Variants in ABCD3 observed in about 807,000 individuals in gnomAD.
ABCD3 encodes the protein ATP-binding cassette sub-family D member 3.
Under a neutral mutation model 105.5 loss-of-function variants are expected in ABCD3, and 41 were observed. The ratio of observed to expected loss-of-function variants is 0.39; its 90% confidence interval spans 0.30 to 0.50. ABCD3 has a LOEUF of 0.50. Ranked by LOEUF, ABCD3 falls within the 20% of genes least tolerant of loss-of-function variation. ABCD3 has a pLI of 0.84. For synonymous variants in ABCD3, 258 were observed against 269.0 expected, an observed-to-expected ratio of 0.96 and a Z score of 0.40; for missense variants, 622 against 806.3, an observed-to-expected ratio of 0.77 and a Z score of 2.77.
chr1:94,432,260 A>G lies in ABCD3; in HGVS notation c.110+13672A>G, dbSNP rs111988876. On this transcript the variant is annotated intron_variant, in intron 1 of 22. Transcript: ENST00000370214. ...GCATAGAAAATTTGTACAACTGAGT[A>G]TGAGTAGACCTGTGGTAGTAACACA... Among the ~76,000 whole-genome samples, 1,420 of 152,328 alleles carry G rather than the reference A, an allele frequency of 9.3e-3. 26 individuals carry two copies. Among genetic ancestry groups the G allele is most frequent in the African/African-American group, 0.033 (1,372 of 41,560 alleles).
intron 1 of ABCD3, among the ~76,000 whole-genome samples, chr1:94,428,069 G>GTTTTTTTTTTTTTT (rs199615252): frequency 1.4e-5 from 2 of 145,572 alleles, no homozygotes; most frequent in Admixed American, 6.7e-5. Context: ...GCTAAAAGGT[G>GTTTTTTTTTTTTTT]TTTTGTTTTT....
chr1:94,497,850 G>T (rs1369213701), intron 16 of ABCD3, among the ~76,000 whole-genome samples: 1 of 152,122 alleles, frequency 6.6e-6, no homozygotes, highest in Non-Finnish European at 1.5e-5. Context: ...GATGCTTGAG[G>T]CATTAAAGGA....
chr1:94,498,280 C>A (rs1649922020), intron 16 of ABCD3, among the ~76,000 whole-genome samples: 1 of 151,786 alleles, frequency 6.6e-6, no homozygotes, highest in Non-Finnish European at 1.5e-5. Context: ...TTTTATTTCC[C>A]AGGTTAGTCT....
In ABCD3 at chr1:94,505,246, G is replaced by C. The variant is rs541181798; in HGVS notation, c.1741-1292G>C. 6.3e-4 allele frequency among the ~76,000 whole-genome samples: 96 copies of C among 152,184 alleles called. 2 individuals carry two copies. In the South Asian group the frequency reaches 0.019, roughly 31 times the overall value. ...GATAGCGTCTTGCTGTTTCAGCCAG[G>C]CTGGAGTGCAGTGGCCTGATCATAG... On this transcript the variant is annotated intron_variant, in intron 20 of 22. Transcript: ENST00000370214.
chr1:94,493,754 T>C (rs1649653610), intron 16 of ABCD3, among the ~76,000 whole-genome samples: 1 of 152,200 alleles, frequency 6.6e-6, no homozygotes, highest in South Asian at 2.1e-4. Flanking sequence ...CATGGAATAC[T>C]ATGCAGCCAT....
At chr1:94,497,475 T>C (rs1570820908) in intron 16 of ABCD3, among the ~76,000 whole-genome samples, 1 of 152,210 alleles carries the variant, frequency 6.6e-6, no homozygotes, top group Non-Finnish European at 1.5e-5. Flanking sequence ...TTGTGTTGCA[T>C]TGGTGTTTAG....
intron 4 of ABCD3, among the ~76,000 whole-genome samples, chr1:94,471,605 A>G (rs1025245144): frequency 2.0e-5 from 3 of 152,126 alleles, no homozygotes; most frequent in Non-Finnish European, 2.9e-5. Flanking sequence ...TCTCCTAAAT[A>G]GTTTTGAGCC....
rs1319003013 is a variant in ABCD3, at chr1:94,423,764, C to G, written c.110+5176C>G. 2.6e-5 allele frequency among the ~76,000 whole-genome samples: 4 copies of G among 152,070 alleles called. No individual in the cohort carries two copies. In the South Asian group the frequency reaches 8.3e-4, roughly 32 times the overall value. On this transcript the variant is annotated intron_variant, in intron 1 of 22. Transcript: ENST00000370214. ...CTCAGCCCTGTTGCCTGCTGCTGGG[C>G]CTTTCTTTACCCATTGGGTGTCCTT...
intron 9 of ABCD3, chr1:94,481,402 G>A (rs1286014455): frequency 6.6e-6 from 1 of 151,962 alleles, no homozygotes; most frequent in Non-Finnish European, 1.5e-5. Flanking sequence ...AGGGTTTTTT[G>A]CTCTAGGGAG....
intron 1 of ABCD3, among the ~76,000 whole-genome samples, chr1:94,435,944 C>T (rs573727141): frequency 2.3e-4 from 35 of 152,338 alleles, no homozygotes; most frequent in African/African-American, 7.9e-4. Context: ...ATGGGAGCCT[C>T]TTTAAGCTGG....
At chr1:94,459,141 A>G (rs1483285921) in intron 2 of ABCD3, among the ~76,000 whole-genome samples, 2 of 151,462 alleles carry the variant, frequency 1.3e-5, no homozygotes, top group African/African-American at 4.9e-5. Flanking sequence ...TGACCTCCTG[A>G]GCTCTAAGGA....
chr1:94,492,974 T>C (rs1303172561), intron 16 of ABCD3, among the ~76,000 whole-genome samples: 2 of 152,170 alleles, frequency 1.3e-5, no homozygotes, highest in Admixed American at 6.6e-5. Flanking sequence ...AATTTCACTT[T>C]TATAGTCTTA....
At chr1:94,474,579 A>G (rs940070355) in intron 5 of ABCD3, among the ~76,000 whole-genome samples, 10 of 152,164 alleles carry the variant, frequency 6.6e-5, no homozygotes, top group Admixed American at 5.2e-4. Flanking sequence ...AAAATAAACA[A>G]TTGGAATAAG....
rs1648680411 is a variant in ABCD3, at chr1:94,475,235, T to C, written c.498T>C (p.Tyr166=). 2 of 1,570,038 alleles carry C rather than the reference T, an allele frequency of 1.3e-6. No individual in the cohort carries two copies. The highest frequency in any genetic ancestry group is 1.7e-5 in the Admixed American group (1 of 58,430). The change falls in exon 6 of 23, where the codon TAT becomes TAC. Residue 166 remains tyrosine, a synonymous_variant. Transcript: ENST00000370214. ...TCACTAAATACCTCTATGAGGAGTA[T>C]CTTCAGTAAGTGATAACCTATTTTT... The part of the protein sequence containing the change: ...VRLTKYLYEE[Y]LQAFTYYKMG...
chr1:94,502,173 A>G (rs894074992), intron 20 of ABCD3, among the ~76,000 whole-genome samples: 5 of 152,184 alleles, frequency 3.3e-5, no homozygotes, highest in African/African-American at 7.2e-5. Flanking sequence ...CGCTCTTCTG[A>G]GCACAGCTAA....
chr1:94,454,889 C>T (rs370769212), intron 1 of ABCD3, among the ~76,000 whole-genome samples: 38 of 152,214 alleles, frequency 2.5e-4, no homozygotes, highest in African/African-American at 8.9e-4. Flanking sequence ...TGACCTCAAG[C>T]GATCCACTAG....
intron 8 of ABCD3, chr1:94,480,138 C>A: frequency 3.2e-6 from 1 of 317,124 alleles, no homozygotes. Flanking sequence ...ATTGTGGAAT[C>A]TTAAGAGATT....
chr1:94,404,989 T>C, the ABCD3 span, among the ~76,000 whole-genome samples: 1 of 151,588 alleles, frequency 6.6e-6, no homozygotes, highest in Non-Finnish European at 1.5e-5. Context: ...TCTTCCCTAT[T>C]ATAGTTTGTG....
chr1:94,511,440 C>G (rs1650668175), intron 21 of ABCD3, among the ~76,000 whole-genome samples: 1 of 152,048 alleles, frequency 6.6e-6, no homozygotes, highest in African/African-American at 2.4e-5. Flanking sequence ...TCCTTCATTT[C>G]AACTTTGGTG....
Sources: allele counts gnomAD v4.1 joint callset (sites outside exome capture counted in the v4.1 genomes callset), GRCh38; gene constraint gnomAD v4.1.1; transcripts MANE v1.5; gene names NCBI Gene and HGNC (gene_info 2026-07-23, HGNC 2026-07-21).